PLCD3: variants seen among roughly 807,000 people sequenced by gnomAD.
The protein encoded by PLCD3 is phospholipase C delta 3, also known as 1-phosphatidylinositol 4,5-bisphosphate phosphodiesterase delta-3.
Under a neutral mutation model 82.8 loss-of-function variants are expected in PLCD3, and 62 were observed. That is an observed-to-expected ratio of 0.75 (90% CI 0.61 to 0.93). The LOEUF is 0.93. Among genes scored for constraint, PLCD3 ranks in the 40% least tolerant of loss-of-function variants. The probability of loss-of-function intolerance (pLI) is 0.00; values close to 1 mark genes in which losing one functional copy is unlikely to be tolerated. For synonymous variants in PLCD3, 478 were observed against 471.8 expected (o/e 1.01, Z -0.17); for missense variants, 1,023 against 1,103.4 (o/e 0.93, Z 1.03).
At chr17:45,120,195 G>A in intron 4 of PLCD3, 130 bp downstream of exon 4, 1 of 1,285,960 alleles carries the variant, frequency 7.8e-7, no homozygotes. Context: ...CTTTGTGCAG[G>A]GAAAGGCTGC....
intron 4 of PLCD3, 112 bp from the exon 5 acceptor site, chr17:45,119,155 G>T: frequency 1.3e-6 from 1 of 783,448 alleles, no homozygotes; most frequent in Non-Finnish European, 2.0e-6. Flanking sequence ...CATTTCACAG[G>T]TGGAAAAACA....
intron 1 of PLCD3, among the ~76,000 whole-genome samples, chr17:45,124,706 G>A (rs184105052): frequency 3.5e-4 from 54 of 152,378 alleles, no homozygotes; most frequent in Non-Finnish European, 5.6e-4. Flanking sequence ...GCCCACAGAT[G>A]TCGCCTTGAC....
chr17:45,118,498 G>C lies in PLCD3; in HGVS notation c.914-6C>G, dbSNP rs375670564. ...CATCAGCTCATGCTGCTTGGCTGCA[G>C]GGGTGGCAGGAGAGGGCATCAGGCC... On this transcript the variant is annotated splice_region_variant and splice_polypyrimidine_tract_variant and intron_variant, in intron 5 of 14. Transcript: ENST00000619929. This position sits in a 1 kb window ranked among gnomAD's most constrained non-coding sequence, Gnocchi z 4.1. 22 of 1,613,670 alleles carry C rather than the reference G, an allele frequency of 1.4e-5. No individual in the cohort carries two copies. In the African/African-American group the frequency reaches 2.4e-4, roughly 18 times the overall value.
chr17:45,128,858 G>A lies in PLCD3; in HGVS notation c.163+3390C>T, dbSNP rs189580479. On this transcript the variant is annotated intron_variant, in intron 1 of 14. Transcript: ENST00000619929. Reference sequence around the variant, plus strand: ...TTTTATTTGGCAGCCCTGTGAGGACGCTCCTGGGGGCTGGCAGGGCCCCCA... The same window carrying A: ...TTTTATTTGGCAGCCCTGTGAGGACACTCCTGGGGGCTGGCAGGGCCCCCA... Among the ~76,000 whole-genome samples the A allele has an allele frequency of 9.4e-3, 1,436 of 152,358 alleles. 14 individuals are homozygous for A. Among genetic ancestry groups the A allele is most frequent in the African/African-American group, 0.032 (1,337 of 41,580 alleles).
At chr17:45,127,045 T>C (rs920965452) in intron 1 of PLCD3, among the ~76,000 whole-genome samples, 1 of 152,106 alleles carries the variant, frequency 6.6e-6, no homozygotes, top group African/African-American at 2.4e-5. Flanking sequence ...GTGGTGGAAG[T>C]TGGGGGAGTC....
chr17:45,114,497 C>G, intron 10 of PLCD3, 131 bp from the exon 11 acceptor site: 1 of 663,864 alleles, frequency 1.5e-6, no homozygotes, highest in East Asian at 3.2e-5. Flanking sequence ...TCACTCTCTT[C>G]TGACCTAGAG....
In PLCD3 at chr17:45,121,391, C is replaced by A; in HGVS notation, c.164-19G>T. Reference sequence around the variant, plus strand: ...GTCAGGCCTGGCGGGGCGGGAGGACCCGGGGCGTCAGGCCGTACCTGCCCA... The same window carrying A: ...GTCAGGCCTGGCGGGGCGGGAGGACACGGGGCGTCAGGCCGTACCTGCCCA... On this transcript the variant is annotated intron_variant, in intron 1 of 14. Coordinates refer to ENST00000619929, the MANE Select transcript of PLCD3 (RefSeq NM_133373.5). 2.0e-6 allele frequency: 3 copies of A among 1,488,794 alleles called. No homozygotes were observed. The highest frequency in any genetic ancestry group is 1.4e-5 in the African/African-American group (1 of 71,102). The allele number at this position is 1,488,794 out of a possible 1,614,324, so 92.2% of individuals were successfully genotyped here. A position where few individuals can be genotyped will look rare whatever the true frequency, so the allele number is the denominator to read the frequency against.
At chr17:45,117,449 T>C (rs1473466442) in intron 7 of PLCD3, among the ~76,000 whole-genome samples, 4 of 152,072 alleles carry the variant, frequency 2.6e-5, no homozygotes, top group Non-Finnish European at 5.9e-5. Context: ...AGCTATTTGC[T>C]CAGGCTGGTC....
intron 11 of PLCD3, among the ~76,000 whole-genome samples, 162 bp downstream of exon 11, chr17:45,114,088 C>T (rs1183137827): frequency 1.3e-5 from 2 of 152,254 alleles, no homozygotes; most frequent in East Asian, 3.9e-4. Flanking sequence ...CAAGAACAAA[C>T]GAGCCTGATT....
chr17:45,119,396 TG>T (rs1171189366), intron 4 of PLCD3, among the ~76,000 whole-genome samples: 1 of 152,200 alleles, frequency 6.6e-6, no homozygotes, highest in African/African-American at 2.4e-5. Flanking sequence ...CCACTGCACC[TG>T]GCTAATTTTT....
rs1225456557 is a variant in PLCD3 at position 45,120,538 on chromosome 17, G to T, written c.555-84C>A. 3.2e-6 allele frequency: 5 copies of T among 1,574,578 alleles called. No homozygotes were observed. In the African/African-American group the frequency reaches 6.7e-5, roughly 21 times the overall value. On this transcript the variant is annotated intron_variant, in intron 3 of 14. Transcript: ENST00000619929. ...TGGCTGGTAAGTCACCCCCACCTGG[G>T]TCTGGGGGATCCCCAGTTTAGGGGC...
At chr17:45,117,110 A>T (rs959162830) in intron 7 of PLCD3, among the ~76,000 whole-genome samples, 2 of 151,942 alleles carry the variant, frequency 1.3e-5, no homozygotes. Flanking sequence ...ACACCCGGCT[A>T]ATTTTTGTAT....
chr17:45,120,851 G>C, intron 3 of PLCD3, 51 bp downstream of exon 3: 2 of 1,407,942 alleles, frequency 1.4e-6, no homozygotes, highest in East Asian at 2.7e-5. Flanking sequence ...GGCTCTCCAA[G>C]GTTAGGGCTC....
rs1035817239 is a variant in PLCD3 at position 45,111,452 on chromosome 17, G to C, written c.*1164C>G. ...AATTGGCATCCTCAGACAGTCTTGT[G>C]ATACTCGCAGCAGCTTTAAGCCAGG... On this transcript the variant is annotated 3_prime_UTR_variant, in exon 15 of 15. Coordinates refer to ENST00000619929, the MANE Select transcript of PLCD3 (RefSeq NM_133373.5). The C allele has an allele frequency of 1.3e-5, 2 of 152,338 alleles. No homozygotes were observed. The highest frequency in any genetic ancestry group is 4.8e-5 in the African/African-American group (2 of 41,342). The allele number at this position is 152,338 out of a possible 1,614,324, so 9.4% of individuals were successfully genotyped here.
rs1567879640 is a variant in PLCD3 at position 45,118,032 on chromosome 17, G to GGAA, written c.1219_1221dup (p.Phe407dup). ...TCGCGCACGGCTTGGACCACGTCCC[G>GGAA]GAAGAGAATCTTGGAGGTGAGGGTA... On this transcript the variant is annotated inframe_insertion, in exon 7 of 15. Coordinates refer to ENST00000619929, the MANE Select transcript of PLCD3 (RefSeq NM_133373.5). This position sits in a 1 kb window ranked among gnomAD's most constrained non-coding sequence, Gnocchi z 4.1. The GGAA allele has an allele frequency of 6.2e-7, 1 of 1,613,642 alleles. No homozygotes were observed. The highest frequency in any genetic ancestry group is 1.7e-5 in the Admixed American group (1 of 59,960).
In PLCD3 at chr17:45,118,343, A is replaced by G; in HGVS notation, c.1063T>C (p.Tyr355His). ...HYFISSSHNT[Y>H]LTDSQIGGPS... is the part of the protein sequence containing the mutation. ...CCCCCGATCTGGGAGTCAGTCAGAT[A>G]GGTGTTGTGGGAGGAAGAGATGAAG... Residue 355 changes from tyrosine to histidine, a missense_variant, in exon 6 of 15, where the codon TAT becomes CAT. Around this residue, in one of 3 missense-constraint regions of PLCD3, gnomAD observed 553 missense variants for 655.7 expected, o/e 0.84. Transcript: ENST00000619929. This position sits in a 1 kb window ranked among gnomAD's most constrained non-coding sequence, Gnocchi z 4.1. 1.2e-6 allele frequency: 2 copies of G among 1,614,004 alleles called. No homozygotes were observed. Among genetic ancestry groups the G allele is most frequent in the South Asian group, 2.2e-5 (2 of 91,086 alleles).
chr17:45,113,327 A>C, intron 12 of PLCD3, 70 bp from the exon 13 acceptor site: 1 of 1,551,842 alleles, frequency 6.4e-7, no homozygotes, highest in Non-Finnish European at 8.7e-7. Context: ...CCTCAAGCTC[A>C]CACCACCCTC....
At position 45,118,779 on chromosome 17, in the gene PLCD3, T is replaced by C; in HGVS notation, c.913+36A>G. ...CCGCTTAGCTGGGAACACAGCCCTT[T>C]CAGGTGCCACGACCTGGCCGTGCCA... On this transcript the variant is annotated intron_variant, in intron 5 of 14. Coordinates refer to ENST00000619929, the MANE Select transcript of PLCD3 (RefSeq NM_133373.5). The surrounding 1 kb of genome is among the most constrained non-coding windows in gnomAD (Gnocchi z 4.1). 1 of 1,576,542 alleles carries C rather than the reference T, an allele frequency of 6.3e-7. No individual in the cohort carries two copies. The highest frequency in any genetic ancestry group is 8.6e-7 in the Non-Finnish European group (1 of 1,159,778).
Position 45,118,668 on chromosome 17 carries a change from G to T in PLCD3, c.913+147C>A. 1 of 1,102,272 alleles carries T rather than the reference G, an allele frequency of 9.1e-7. No homozygotes were observed. The highest frequency in any genetic ancestry group is 1.3e-6 in the Non-Finnish European group (1 of 780,788). The allele number at this position is 1,102,272 out of a possible 1,614,324, so 68.3% of individuals were successfully genotyped here. On this transcript the variant is annotated intron_variant, in intron 5 of 14. Transcript: ENST00000619929. This position sits in a 1 kb window ranked among gnomAD's most constrained non-coding sequence, Gnocchi z 4.1. ...GACCCTGGGAGGAAGACAAACTGTT[G>T]TGCCATTTTACACATGTGGAAGCTG... is the stretch of plus-strand genomic sequence containing the variant.
Sources: allele counts gnomAD v4.1 joint callset (sites outside exome capture counted in the v4.1 genomes callset), GRCh38; gene constraint gnomAD v4.1.1; regional missense constraint gnomAD v4.1.1; non-coding constraint Gnocchi (gnomAD v3.1); transcripts MANE v1.5; gene names NCBI Gene and HGNC (gene_info 2026-07-23, HGNC 2026-07-21).